PTPRD: variants seen among roughly 807,000 people sequenced by gnomAD.
PTPRD encodes the protein receptor-type tyrosine-protein phosphatase delta.
Under a neutral mutation model 214.5 loss-of-function variants are expected in PTPRD, and 34 were observed. That is an observed-to-expected ratio of 0.16 (90% CI 0.12 to 0.21). The LOEUF is 0.21. Among genes scored for constraint, PTPRD ranks in the 10% least tolerant of loss-of-function variants. The pLI is 1.00. For synonymous variants in PTPRD, 1,128 were observed against 845.7 expected (o/e 1.33, Z -5.79); for missense variants, 2,545 against 2,398.7 (o/e 1.06, Z -1.27).
intron 9 of PTPRD, among the ~76,000 whole-genome samples, chr9:9,340,691 A>G (rs1267284759): frequency 6.6e-6 from 1 of 152,240 alleles, no homozygotes; most frequent in Admixed American, 6.5e-5. Flanking sequence ...GCTGTTGGAC[A>G]TGCTGTTGGA....
At position 8,600,828 on chromosome 9, in the gene PTPRD, T is replaced by C. The variant is rs1478666202; in HGVS notation, c.352+32489A>G. ...TGCTGGTTTCAGGTGAGAACCATCA[T>C]ATTACCAACTGTGGTGGCTATGGGG... is the stretch of plus-strand genomic sequence containing the variant. On this transcript the variant is annotated intron_variant, in intron 14 of 45. Coordinates refer to ENST00000381196, the MANE Select transcript of PTPRD (RefSeq NM_002839.4). 2.6e-5 allele frequency among the ~76,000 whole-genome samples: 4 copies of C among 151,986 alleles called. No individual in the cohort carries two copies. In the East Asian group the frequency reaches 7.8e-4, roughly 30 times the overall value.
rs1010367742 is a variant in PTPRD, at chr9:9,182,100, T to C, written c.-143+1204A>G. Among the ~76,000 whole-genome samples, 6 of 152,060 alleles carry C rather than the reference T, an allele frequency of 3.9e-5. No individual in the cohort carries two copies. In the East Asian group the frequency reaches 1.2e-3, roughly 29 times the overall value. ...GGGGAAGGTAAGCTGAATCTTAACATATAAAATTGAACAATGATGAACCCC... is the reference window on the plus strand; with the variant it reads ...GGGGAAGGTAAGCTGAATCTTAACACATAAAATTGAACAATGATGAACCCC... On this transcript the variant is annotated intron_variant, in intron 10 of 45. Coordinates refer to ENST00000381196, the MANE Select transcript of PTPRD (RefSeq NM_002839.4).
intron 11 of PTPRD, among the ~76,000 whole-genome samples, chr9:8,919,087 A>G (rs1731959901): frequency 6.6e-6 from 1 of 152,152 alleles, no homozygotes; most frequent in South Asian, 2.1e-4. Flanking sequence ...TGCAAAGTCA[A>G]GAAGGATGAG....
At chr9:10,352,627 G>C (rs937035074) in intron 2 of PTPRD, among the ~76,000 whole-genome samples, 2 of 152,020 alleles carry the variant, frequency 1.3e-5, no homozygotes, top group African/African-American at 2.4e-5. Flanking sequence ...CAAGAGCATA[G>C]GTAATTGAAT....
chr9:8,408,685 C>A (rs1194155808), intron 35 of PTPRD, among the ~76,000 whole-genome samples: 1 of 152,110 alleles, frequency 6.6e-6, no homozygotes, highest in African/African-American at 2.4e-5. Flanking sequence ...ATTGGATGAA[C>A]CCCATATAGC....
At chr9:9,728,311 C>T (rs2098127715) in intron 7 of PTPRD, among the ~76,000 whole-genome samples, 1 of 152,130 alleles carries the variant, frequency 6.6e-6, no homozygotes, top group Non-Finnish European at 1.5e-5. Flanking sequence ...GTGATTGACA[C>T]AAAATACTTT....
chr9:8,511,323 G>C (rs941955937), intron 21 of PTPRD, among the ~76,000 whole-genome samples: 1 of 151,868 alleles, frequency 6.6e-6, no homozygotes, highest in African/African-American at 2.4e-5. Flanking sequence ...CTTCCACCTC[G>C]ACCACTCAAA....
At chr9:10,142,960 T>C (rs1265284226) in intron 3 of PTPRD, among the ~76,000 whole-genome samples, 2 of 151,628 alleles carry the variant, frequency 1.3e-5, no homozygotes, top group African/African-American at 4.9e-5. Flanking sequence ...AAATGATGAG[T>C]TCATGTCCTT....
chr9:8,560,827 C>A (rs1324212230), intron 14 of PTPRD, among the ~76,000 whole-genome samples: 1 of 151,976 alleles, frequency 6.6e-6, no homozygotes, highest in African/African-American at 2.4e-5. Flanking sequence ...GCAAATGGAT[C>A]TGTCTTTTTG....
intron 9 of PTPRD, among the ~76,000 whole-genome samples, chr9:9,208,019 G>GTTTTTTTTTTTTTTTTTTTTTTTTT (rs1569562243): frequency 3.8e-5 from 1 of 26,040 alleles, no homozygotes; most frequent in African/African-American, 9.7e-5. Flanking sequence ...ATATATATCT[G>GTTTTTTTTTTTTTTTTTTTTTTTTT]CTTTTTTTTT....
chr9:10,370,553 A>C (rs1020348984), intron 2 of PTPRD, among the ~76,000 whole-genome samples: 8 of 152,068 alleles, frequency 5.3e-5, no homozygotes, highest in African/African-American at 1.9e-4. Context: ...AATACATTGA[A>C]ATTGAATTAA....
chr9:10,134,700 A>G (rs1189132000), intron 3 of PTPRD, among the ~76,000 whole-genome samples: 1 of 152,102 alleles, frequency 6.6e-6, no homozygotes, highest in Non-Finnish European at 1.5e-5. Context: ...ATAAATAAAA[A>G]TTATATTAAA....
chr9:9,270,566 T>G (rs1054916578), intron 9 of PTPRD, among the ~76,000 whole-genome samples: 4 of 151,424 alleles, frequency 2.6e-5, no homozygotes, highest in African/African-American at 4.8e-5. Context: ...GTGCTCATGC[T>G]GGTGAGTTAG....
intron 2 of PTPRD, among the ~76,000 whole-genome samples, chr9:10,416,131 T>G (rs913851354): frequency 3.3e-5 from 5 of 151,598 alleles, no homozygotes; most frequent in African/African-American, 1.2e-4. Flanking sequence ...GCGGATCACT[T>G]GAGGTCAGGA....
intron 3 of PTPRD, among the ~76,000 whole-genome samples, chr9:10,280,336 G>T (rs1488499551): frequency 6.9e-6 from 1 of 145,776 alleles, no homozygotes; most frequent in East Asian, 2.0e-4. Context: ...TGAAGTAGGA[G>T]AAAAATATTT....
At chr9:10,586,627 C>T (rs1027799163) in intron 2 of PTPRD, among the ~76,000 whole-genome samples, 4 of 151,902 alleles carry the variant, frequency 2.6e-5, no homozygotes, top group Non-Finnish European at 5.9e-5. Flanking sequence ...GGTTTGCTTG[C>T]GGGCATAAGA....
At chr9:9,337,754 C>T (rs1234886128) in intron 9 of PTPRD, among the ~76,000 whole-genome samples, 1 of 152,078 alleles carries the variant, frequency 6.6e-6, no homozygotes, top group African/African-American at 2.4e-5. Context: ...GGACAATGAC[C>T]CTTTTCATTT....
At chr9:9,815,447 T>G (rs893804407) in intron 5 of PTPRD, among the ~76,000 whole-genome samples, 2 of 152,112 alleles carry the variant, frequency 1.3e-5, no homozygotes, top group Non-Finnish European at 2.9e-5. Context: ...TCCTTGAAAT[T>G]GATCTGGGAA....
intron 12 of PTPRD, among the ~76,000 whole-genome samples, chr9:8,682,569 C>T (rs1392621378): frequency 6.6e-6 from 1 of 152,112 alleles, no homozygotes; most frequent in Non-Finnish European, 1.5e-5. Flanking sequence ...ATAATTAACA[C>T]CCTTTTTTCC....
Sources: allele counts gnomAD v4.1 joint callset (sites outside exome capture counted in the v4.1 genomes callset), GRCh38; gene constraint gnomAD v4.1.1; transcripts MANE v1.5; gene names NCBI Gene and HGNC (gene_info 2026-07-23, HGNC 2026-07-21).